The following PIP4K2A variants were observed in gnomAD, a reference collection of about 807,000 sequenced individuals.
The protein encoded by PIP4K2A is phosphatidylinositol-5-phosphate 4-kinase type 2 alpha.
A neutral mutation model predicts 42.9 loss-of-function variants in PIP4K2A; 14 were observed. The ratio of observed to expected loss-of-function variants is 0.33; its 90% CI spans 0.22 to 0.51. PIP4K2A has a LOEUF of 0.51. PIP4K2A is among the 20% of genes least tolerant of loss of function. The pLI is 0.97. For synonymous variants in PIP4K2A, 192 were observed against 192.2 expected (o/e 1.00, Z 0.01); for missense variants, 434 against 519.8 (o/e 0.83, Z 1.61).
intron 1 of PIP4K2A, among the ~76,000 whole-genome samples, chr10:22,632,234 GCTTT>G (rs1838565735): frequency 6.6e-6 from 1 of 152,140 alleles, no homozygotes; most frequent in African/African-American, 2.4e-5. Flanking sequence ...GTAAATAAGA[GCTTT>G]CTATTATTAC....
chr10:22,614,878 A>G (rs887361279), intron 1 of PIP4K2A, among the ~76,000 whole-genome samples: 2 of 152,214 alleles, frequency 1.3e-5, no homozygotes, highest in Non-Finnish European at 2.9e-5. Flanking sequence ...GGTAATGGCA[A>G]TGAGCTCCCA....
rs748225924 is a variant in PIP4K2A, at chr10:22,539,926, A to AGG, written c.1140+44_1140+45insCC. 1.4e-4 allele frequency: 133 copies of AGG among 983,772 alleles called. No individual in the cohort carries two copies. In the African/African-American group the frequency reaches 1.7e-3, roughly 13 times the overall value. The allele number at this position is 983,772 out of a possible 1,614,324, so 60.9% of individuals were successfully genotyped here. On this transcript the variant is annotated intron_variant, in intron 9 of 9. Transcript: ENST00000376573. ...GAGAGAGAGAGGGAGAGAGAGAGAGAGAGAGGGAGAGAAAGAGAGAAGGAA... is the reference window on the plus strand; with the variant it reads ...GAGAGAGAGAGGGAGAGAGAGAGAGAGGGAGAGGGAGAGAAAGAGAGAAGGAA...
At chr10:22,595,815 A>G (rs1269041037) in intron 3 of PIP4K2A, among the ~76,000 whole-genome samples, 1 of 152,188 alleles carries the variant, frequency 6.6e-6, no homozygotes. Context: ...AGTCTCTTTG[A>G]GCCTTAGTTT....
chr10:22,650,362 C>A (rs1051737515), intron 1 of PIP4K2A, among the ~76,000 whole-genome samples: 2 of 152,182 alleles, frequency 1.3e-5, no homozygotes, highest in African/African-American at 4.8e-5. Flanking sequence ...CTCAAGGGAT[C>A]CTCCAGCCTC....
At chr10:22,588,123 T>C (rs1377939591) in intron 4 of PIP4K2A, among the ~76,000 whole-genome samples, 10 of 152,366 alleles carry the variant, frequency 6.6e-5, no homozygotes, top group Admixed American at 5.9e-4. Flanking sequence ...GAGTGGCATG[T>C]CCACCTTTAA....
In PIP4K2A at chr10:22,654,200, A is replaced by C. The variant is rs1839049080; in HGVS notation, c.145-44483T>G. Among the ~76,000 whole-genome samples the C allele has an allele frequency of 1.3e-5, 2 of 152,220 alleles. 1 individual carries two copies. The highest frequency in any genetic ancestry group is 4.8e-5 in the African/African-American group (2 of 41,440). ...ACATGTTTCCGTAAATTTTTCAGGA[A>C]AATTTAATCTCATAATTTTTAAAAA... On this transcript the variant is annotated intron_variant, in intron 1 of 9. Transcript: ENST00000376573.
intron 5 of PIP4K2A, among the ~76,000 whole-genome samples, chr10:22,569,644 G>GGTGT (rs1357226121): frequency 6.6e-6 from 1 of 152,006 alleles, no homozygotes; most frequent in East Asian, 1.9e-4. Flanking sequence ...AAGTTCTTGG[G>GGTGT]GTGTGTGTGT....
At chr10:22,547,815 T>C (rs1836294745) in intron 7 of PIP4K2A, among the ~76,000 whole-genome samples, 1 of 152,218 alleles carries the variant, frequency 6.6e-6, no homozygotes. Context: ...TGTGTGTTTG[T>C]GTGCAGAAAA....
At chr10:22,567,602 T>C (rs1384908024) in intron 6 of PIP4K2A, 2 of 701,636 alleles carry the variant, frequency 2.9e-6, no homozygotes, top group African/African-American at 3.5e-5. Flanking sequence ...CAAGAGCAAG[T>C]TGCATGTGGA....
intron 1 of PIP4K2A, among the ~76,000 whole-genome samples, chr10:22,652,867 G>A (rs1839021523): frequency 1.3e-5 from 2 of 152,234 alleles, no homozygotes; most frequent in Non-Finnish European, 1.5e-5. Context: ...GCTGAGGCTT[G>A]AGGATCACTC....
chr10:22,559,077 G>A (rs1349410071), intron 6 of PIP4K2A, among the ~76,000 whole-genome samples: 4 of 152,118 alleles, frequency 2.6e-5, no homozygotes, highest in South Asian at 2.1e-4. Context: ...CGTTCCAGTC[G>A]TAACAGAAGA....
At chr10:22,552,790 C>T (rs1042044944) in intron 6 of PIP4K2A, among the ~76,000 whole-genome samples, 2 of 152,072 alleles carry the variant, frequency 1.3e-5, no homozygotes, top group Admixed American at 6.5e-5. Flanking sequence ...TATGTGTTGG[C>T]GATGGGAGGC....
intron 1 of PIP4K2A, among the ~76,000 whole-genome samples, chr10:22,687,228 C>T (rs866626000): frequency 6.6e-6 from 1 of 151,504 alleles, no homozygotes; most frequent in Admixed American, 6.6e-5. Context: ...TGCCACAACA[C>T]GAAGTGACCT....
intron 1 of PIP4K2A, among the ~76,000 whole-genome samples, chr10:22,664,076 C>CATATATATATATATACAT (rs1564459808): frequency 1.8e-5 from 1 of 54,852 alleles, no homozygotes; most frequent in African/African-American, 1.8e-4. Flanking sequence ...TATATATATA[C>CATATATATATATATACAT]GTATATATAT....
chr10:22,552,172 A>T (rs1462658826), intron 6 of PIP4K2A, among the ~76,000 whole-genome samples: 1 of 152,208 alleles, frequency 6.6e-6, no homozygotes, highest in Non-Finnish European at 1.5e-5. Flanking sequence ...TCAAGTAGAG[A>T]GATGCAAATA....
At chr10:22,572,646 G>C (rs569856606) in intron 5 of PIP4K2A, among the ~76,000 whole-genome samples, 1 of 152,148 alleles carries the variant, frequency 6.6e-6, no homozygotes, top group African/African-American at 2.4e-5. Flanking sequence ...CCCTCAAGTA[G>C]GATTTGGAAT....
At chr10:22,636,680 T>C (rs1242502530) in intron 1 of PIP4K2A, among the ~76,000 whole-genome samples, 1 of 152,206 alleles carries the variant, frequency 6.6e-6, no homozygotes, top group East Asian at 1.9e-4. Flanking sequence ...AAGTCTGTAG[T>C]ACAGACTTTC....
chr10:22,682,880 T>C (rs1362882306), intron 1 of PIP4K2A, among the ~76,000 whole-genome samples: 1 of 152,186 alleles, frequency 6.6e-6, no homozygotes, highest in East Asian at 1.9e-4. Context: ...TCCAGTCATC[T>C]TTACATATGC....
chr10:22,694,824 GTTT>G (rs369982282), intron 1 of PIP4K2A, among the ~76,000 whole-genome samples: 1 of 152,076 alleles, frequency 6.6e-6, no homozygotes, highest in African/African-American at 2.4e-5. Context: ...AATGTAAAAA[GTTT>G]TTTATTTTCA....
Sources: gnomAD v4.1 joint callset for allele counts (sites outside exome capture counted in the v4.1 genomes callset) on GRCh38, gnomAD v4.1.1 for gene constraint, MANE v1.5 for transcripts, NCBI Gene and HGNC (gene_info 2026-07-23, HGNC 2026-07-21) for gene names.